The following RORA variants were observed in gnomAD, a reference collection of about 807,000 sequenced individuals.
RORA encodes the protein nuclear receptor ROR-alpha.
In RORA, 7 loss-of-function variants were observed where a neutral mutation model predicts 69.5. That is an observed-to-expected ratio of 0.10 (90% CI 0.06 to 0.19). The LOEUF is 0.19. RORA is among the 10% of genes least tolerant of loss of function. The probability of loss-of-function intolerance (pLI) is 1.00; values close to 1 mark genes in which losing one functional copy is unlikely to be tolerated. For missense variants in RORA, 457 were observed against 663.0 expected (o/e 0.69, Z 3.41); for synonymous variants, 261 against 240.8 (o/e 1.08, Z -0.78).
At chr15:60,606,520 T>C (rs2068949812) in intron 2 of RORA, among the ~76,000 whole-genome samples, 1 of 152,212 alleles carries the variant, frequency 6.6e-6, no homozygotes, top group Non-Finnish European at 1.5e-5. Flanking sequence ...CCAGTATACT[T>C]TGTAGAAAGT....
At chr15:61,227,674 C>A (rs1195936371) in intron 1 of RORA, among the ~76,000 whole-genome samples, 3 of 152,126 alleles carry the variant, frequency 2.0e-5, no homozygotes, top group Non-Finnish European at 2.9e-5. Flanking sequence ...CTGGGGCCCC[C>A]ATTCGCCTCT....
intron 1 of RORA, among the ~76,000 whole-genome samples, chr15:60,964,755 G>C (rs560571043): frequency 6.6e-6 from 1 of 152,320 alleles, no homozygotes; most frequent in South Asian, 2.1e-4. Flanking sequence ...ACTGCTGTCT[G>C]TCTTCAATCA....
intron 1 of RORA, among the ~76,000 whole-genome samples, chr15:60,769,802 C>A (rs1322185490): frequency 2.6e-5 from 4 of 152,170 alleles, no homozygotes; most frequent in African/African-American, 9.7e-5. Flanking sequence ...TAATTAGCCA[C>A]CCATTGTCCC....
Position 60,499,856 on chromosome 15 carries a change from T to C in RORA, c.1407+36A>G, listed in dbSNP as rs776123424. Reference sequence around the variant, plus strand: ...CAGCATGATTTGTGCCAGGGGATAGTTCAGGCCATGCCAACTAGAAGCCTT... The same window carrying C: ...CAGCATGATTTGTGCCAGGGGATAGCTCAGGCCATGCCAACTAGAAGCCTT... On this transcript the variant is annotated intron_variant, in intron 10 of 10. Transcript: ENST00000335670. The C allele has an allele frequency of 1.4e-5, 17 of 1,232,960 alleles. No homozygotes were observed. The East Asian group carries it at 3.8e-4, about 27-fold the overall frequency. The allele number at this position is 1,232,960 out of a possible 1,614,324, so 76.4% of individuals were successfully genotyped here. A position where few individuals can be genotyped will look rare whatever the true frequency, so the allele number is the denominator to read the frequency against.
At chr15:61,174,750 G>A (rs538287552) in intron 1 of RORA, among the ~76,000 whole-genome samples, 24 of 152,276 alleles carry the variant, frequency 1.6e-4, no homozygotes, top group African/African-American at 5.3e-4. Flanking sequence ...CATCTGTTCC[G>A]TAGGGAAAGA....
rs981003765 is a variant in RORA, at chr15:60,617,789, G to A, written c.196+60868C>T. On this transcript the variant is annotated intron_variant, in intron 2 of 10. Coordinates refer to ENST00000335670, the MANE Select transcript of RORA (RefSeq NM_134261.3). ...CTGGCGATGGGCAGATTTGCCCTGT[G>A]GTGGGAAGGAGGCCTCAGTTCATCC... Among the ~76,000 whole-genome samples the A allele has an allele frequency of 1.3e-5, 2 of 151,346 alleles. 1 individual carries two copies. The highest frequency in any genetic ancestry group is 3.0e-5 in the Non-Finnish European group (2 of 67,414).
intron 2 of RORA, among the ~76,000 whole-genome samples, chr15:60,559,887 A>G (rs2067481084): frequency 6.6e-6 from 1 of 152,212 alleles, no homozygotes; most frequent in South Asian, 2.1e-4. Flanking sequence ...AAATACACAT[A>G]ACTTTATAAA....
intron 1 of RORA, among the ~76,000 whole-genome samples, chr15:60,927,714 C>T (rs542791946): frequency 2.3e-4 from 35 of 152,146 alleles, no homozygotes; most frequent in Non-Finnish European, 4.0e-4. Flanking sequence ...GTGGAGGTTG[C>T]AATGAGCCAA....
intron 1 of RORA, among the ~76,000 whole-genome samples, chr15:60,833,156 G>A (rs1297308912): frequency 6.6e-5 from 10 of 151,710 alleles, no homozygotes; most frequent in East Asian, 3.9e-4. Flanking sequence ...CGCCCGCCTC[G>A]GCCTCTCAAA....
At chr15:60,966,325 G>A (rs985521550) in intron 1 of RORA, among the ~76,000 whole-genome samples, 19 of 152,196 alleles carry the variant, frequency 1.2e-4, no homozygotes, top group Admixed American at 5.9e-4. Context: ...TTGTGGTGAG[G>A]GGACACAATT....
chr15:60,780,250 G>A (rs779104150), intron 1 of RORA, among the ~76,000 whole-genome samples: 1 of 152,158 alleles, frequency 6.6e-6, no homozygotes, highest in Non-Finnish European at 1.5e-5. Context: ...AGACTCTTAT[G>A]TCCAATTCAG....
intron 1 of RORA, among the ~76,000 whole-genome samples, chr15:60,882,461 G>A (rs778268812): frequency 6.6e-6 from 1 of 152,160 alleles, no homozygotes; most frequent in Non-Finnish European, 1.5e-5. Context: ...GTGGAACACA[G>A]TAGTAAGCAT....
At chr15:60,556,948 C>G in intron 2 of RORA, 2 of 1,594,668 alleles carry the variant, frequency 1.3e-6, no homozygotes, top group Non-Finnish European at 1.7e-6. Context: ...CCACCCCAAT[C>G]CAATGATAAA....
intron 1 of RORA, among the ~76,000 whole-genome samples, chr15:60,712,615 C>T (rs1236273881): frequency 2.6e-5 from 4 of 152,212 alleles, no homozygotes; most frequent in Admixed American, 2.0e-4. Context: ...CAAGGCATTA[C>T]ATGACGGACT....
chr15:60,993,882 T>C (rs117762413), intron 1 of RORA, among the ~76,000 whole-genome samples: 54 of 152,246 alleles, frequency 3.5e-4, no homozygotes, highest in Non-Finnish European at 6.6e-4. Flanking sequence ...ACACCAAAGG[T>C]AAATTGATAA....
rs562804527 is a variant in RORA, at chr15:61,174,969, G to C, written c.166+54084C>G. Among the ~76,000 whole-genome samples, 18 of 152,238 alleles carry C rather than the reference G, an allele frequency of 1.2e-4. No homozygotes were observed. In the South Asian group the frequency reaches 3.1e-3, roughly 26 times the overall value. ...GAATTTGGGGTTTGAACCCAAATCT[G>C]CTTGACTGCAAAGCCCATGTTCTTA... On this transcript the variant is annotated intron_variant, in intron 1 of 10. Coordinates refer to ENST00000335670, the MANE Select transcript of RORA (RefSeq NM_134261.3).
In RORA at chr15:61,128,588, G is replaced by A. The variant is rs1057225651; in HGVS notation, c.166+100465C>T. 1.3e-4 allele frequency among the ~76,000 whole-genome samples: 20 copies of A among 152,158 alleles called. No individual in the cohort carries two copies. Among genetic ancestry groups the A allele is most frequent in the African/African-American group, 3.9e-4 (16 of 41,426 alleles). The stretch of plus-strand genomic sequence containing the variant: ...GAGAGAAATCCTGGGGTGTGCAATC[G>A]ATGTTGTCACATATATTCCCATGGT... On this transcript the variant is annotated intron_variant, in intron 1 of 10. Transcript: ENST00000335670. The surrounding 1 kb of genome is among the most constrained non-coding windows in gnomAD (Gnocchi z 4.5).
At chr15:61,115,894 G>A (rs769108798) in intron 1 of RORA, among the ~76,000 whole-genome samples, 27 of 152,152 alleles carry the variant, frequency 1.8e-4, no homozygotes, top group Admixed American at 3.3e-4. Context: ...GCTGTGTTTC[G>A]CACTGGCAGA....
chr15:60,883,942 T>A (rs1283508119), intron 1 of RORA, among the ~76,000 whole-genome samples: 2 of 152,214 alleles, frequency 1.3e-5, no homozygotes, highest in Non-Finnish European at 2.9e-5. Context: ...TTTGTCAAAC[T>A]GGTTTTCTCT....
Sources: allele counts gnomAD v4.1 joint callset (sites outside exome capture counted in the v4.1 genomes callset), GRCh38; gene constraint gnomAD v4.1.1; non-coding constraint Gnocchi (gnomAD v3.1); transcripts MANE v1.5; gene names NCBI Gene and HGNC (gene_info 2026-07-23, HGNC 2026-07-21).